CACNA1C: variants seen among roughly 807,000 people sequenced by gnomAD.
CACNA1C encodes the protein voltage-dependent L-type calcium channel subunit alpha-1C.
A neutral mutation model predicts 229.0 loss-of-function variants in CACNA1C; 30 were observed. That is an observed-to-expected ratio of 0.13 (90% CI 0.10 to 0.18). CACNA1C has a LOEUF of 0.18. Ranked by LOEUF, CACNA1C falls within the 10% of genes least tolerant of loss-of-function variation. The probability of loss-of-function intolerance (pLI) is 1.00; values close to 1 mark genes in which losing one functional copy is unlikely to be tolerated. For synonymous variants in CACNA1C, 1,114 were observed against 1,132.5 expected (o/e 0.98, Z 0.33); for missense variants, 1,658 against 2,845.0 (o/e 0.58, Z 9.49).
chr12:2,276,558 A>G (rs1372145956), intron 3 of CACNA1C, among the ~76,000 whole-genome samples: 1 of 152,104 alleles, frequency 6.6e-6, no homozygotes, highest in Non-Finnish European at 1.5e-5. Context: ...TCTTGCTAGA[A>G]CCTTTAGAGC....
chr12:2,242,383 G>C (rs2070870115), intron 3 of CACNA1C, among the ~76,000 whole-genome samples: 1 of 152,160 alleles, frequency 6.6e-6, no homozygotes, highest in Admixed American at 6.5e-5. Flanking sequence ...AACAATGGGG[G>C]ACCAGGGTAA....
At position 2,054,664 on chromosome 12, in the gene CACNA1C, G is replaced by A. The variant is rs1565403142; in HGVS notation, c.49+1053G>A. 6.7e-6 allele frequency among the ~76,000 whole-genome samples: 1 copy of A among 148,464 alleles called. No individual in the cohort carries two copies. Among genetic ancestry groups the A allele is most frequent in the Non-Finnish European group, 1.5e-5 (1 of 67,820 alleles). On this transcript the variant is annotated intron_variant, in intron 1 of 46. Coordinates refer to ENST00000399655, the MANE Select transcript of CACNA1C (RefSeq NM_000719.7). The surrounding 1 kb of genome is among the most constrained non-coding windows in gnomAD (Gnocchi z 5.5). ...GGGTGCAGACAGGGTGGTCCAGCGG[G>A]GCTTTCTGGCAACCTCCAGGCATGA...
Position 2,651,406 on chromosome 12 carries a change from A to G in CACNA1C, c.3946-234A>G, listed in dbSNP as rs987892464. ...GGGGAATCGGGGAGAATAAAAACAC[A>G]GGACCACAGCCCAGCGGCCTGGGCA... On this transcript the variant is annotated intron_variant, in intron 31 of 46. Coordinates refer to ENST00000399655, the MANE Select transcript of CACNA1C (RefSeq NM_000719.7). This position sits in a 1 kb window ranked among gnomAD's most constrained non-coding sequence, Gnocchi z 5.4. The G allele has an allele frequency of 1.7e-6, 1 of 577,936 alleles. No homozygotes were observed. The highest frequency in any genetic ancestry group is 1.9e-5 in the African/African-American group (1 of 53,650). 35.8% of individuals were successfully genotyped at this position (577,936 alleles called of 1,614,324 possible).
chr12:2,556,943 T>A lies in CACNA1C; in HGVS notation c.1482-8T>A, dbSNP rs2044651283. The stretch of plus-strand genomic sequence containing the variant: ...ATCCTTTGGTAACATTTCCTTTTTC[T>A]TTTTCAGCCACCGGATCTCCAAGTC... On this transcript the variant is annotated splice_region_variant and splice_polypyrimidine_tract_variant and intron_variant, in intron 10 of 46. Transcript: ENST00000399655. 1 of 1,611,586 alleles carries A rather than the reference T, an allele frequency of 6.2e-7. No individual in the cohort carries two copies. Among genetic ancestry groups the A allele is most frequent in the Non-Finnish European group, 8.5e-7 (1 of 1,177,822 alleles).
chr12:2,376,625 TA>T (rs2098078848), intron 3 of CACNA1C, among the ~76,000 whole-genome samples: 1 of 152,138 alleles, frequency 6.6e-6, no homozygotes, highest in Non-Finnish European at 1.5e-5. Flanking sequence ...TGTAATAGGC[TA>T]GGGGGCTGTG....
At chr12:2,337,676 A>G (rs1287185381) in intron 3 of CACNA1C, among the ~76,000 whole-genome samples, 1 of 152,236 alleles carries the variant, frequency 6.6e-6, no homozygotes, top group Non-Finnish European at 1.5e-5. Flanking sequence ...CTACAGTTTA[A>G]CAAAGCACTT....
In CACNA1C at chr12:2,215,110, A is replaced by T. The variant is rs1256882687; in HGVS notation, c.477+94680A>T. On this transcript the variant is annotated intron_variant, in intron 3 of 46. Coordinates refer to ENST00000399655, the MANE Select transcript of CACNA1C (RefSeq NM_000719.7). The surrounding 1 kb of genome is among the most constrained non-coding windows in gnomAD (Gnocchi z 5.0). Reference sequence around the variant, plus strand: ...GCTCAGCAAACGTGTGCTGCATGAGATGGGGAAACGAAGCCATGTTTGCCG... The same window carrying T: ...GCTCAGCAAACGTGTGCTGCATGAGTTGGGGAAACGAAGCCATGTTTGCCG... Among the ~76,000 whole-genome samples the T allele has an allele frequency of 1.3e-5, 2 of 152,080 alleles. No individual in the cohort carries two copies. The highest frequency in any genetic ancestry group is 2.9e-5 in the Non-Finnish European group (2 of 68,016).
intron 11 of CACNA1C, among the ~76,000 whole-genome samples, chr12:2,562,263 G>A (rs1402069663): frequency 6.6e-6 from 1 of 152,130 alleles, no homozygotes; most frequent in Non-Finnish European, 1.5e-5. Context: ...GGAAAAAGGG[G>A]CATAATCAAG....
chr12:2,198,703 G>A (rs79311680), intron 3 of CACNA1C, among the ~76,000 whole-genome samples: 1 of 152,064 alleles, frequency 6.6e-6, no homozygotes, highest in Non-Finnish European at 1.5e-5. Context: ...GGGAGGGAGA[G>A]ACAGGGGGTT....
intron 29 of CACNA1C, chr12:2,612,616 T>A (rs995510169): frequency 6.6e-6 from 1 of 152,428 alleles, no homozygotes; most frequent in African/African-American, 2.4e-5. Context: ...TTCTCTGCTT[T>A]GTTCCTTGTG....
intron 3 of CACNA1C, among the ~76,000 whole-genome samples, chr12:2,337,912 G>A (rs949447259): frequency 6.6e-6 from 1 of 152,132 alleles, no homozygotes; most frequent in African/African-American, 2.4e-5. Flanking sequence ...TTTGCCTCTG[G>A]TCTCAGCCCC....
intron 3 of CACNA1C, among the ~76,000 whole-genome samples, chr12:2,254,162 G>C (rs185504079): frequency 1.1e-3 from 166 of 152,284 alleles, no homozygotes; most frequent in African/African-American, 3.8e-3. Flanking sequence ...CACTTTTCTG[G>C]AGCTTTACTG....
At chr12:2,187,880 G>T (rs927504508) in intron 3 of CACNA1C, among the ~76,000 whole-genome samples, 1 of 152,262 alleles carries the variant, frequency 6.6e-6, no homozygotes, top group African/African-American at 2.4e-5. Context: ...TCAGAGAAGA[G>T]TCTGCTGCCC....
At chr12:2,076,247 C>T (rs2063141852) in intron 1 of CACNA1C, among the ~76,000 whole-genome samples, 1 of 152,188 alleles carries the variant, frequency 6.6e-6, no homozygotes, top group Non-Finnish European at 1.5e-5. Context: ...TGCAACCCAC[C>T]CGCAGACGTA....
intron 29 of CACNA1C, among the ~76,000 whole-genome samples, chr12:2,625,782 A>C (rs866850627): frequency 3.9e-4 from 58 of 148,042 alleles, no homozygotes; most frequent in African/African-American, 1.5e-3. Context: ...ATCTCTAAAA[A>C]AAAAAAAAAA....
intron 9 of CACNA1C, among the ~76,000 whole-genome samples, chr12:2,530,942 C>A (rs1057442416): frequency 1.2e-4 from 18 of 152,180 alleles, no homozygotes; most frequent in African/African-American, 4.3e-4. Context: ...CTCCAGGCGA[C>A]CTTTAGACGC....
intron 3 of CACNA1C, among the ~76,000 whole-genome samples, chr12:2,419,393 C>T (rs764423851): frequency 6.6e-6 from 1 of 152,088 alleles, no homozygotes; most frequent in Non-Finnish European, 1.5e-5. Flanking sequence ...AAGGACAGCA[C>T]CAAGACATGA....
intron 3 of CACNA1C, among the ~76,000 whole-genome samples, chr12:2,209,211 T>C (rs2097848955): frequency 6.6e-6 from 1 of 152,220 alleles, no homozygotes; most frequent in African/African-American, 2.4e-5. Flanking sequence ...TATGTGATTA[T>C]AAGAATTTGT....
At chr12:2,196,626 T>C (rs1216207742) in intron 3 of CACNA1C, among the ~76,000 whole-genome samples, 4 of 152,238 alleles carry the variant, frequency 2.6e-5, no homozygotes, top group Admixed American at 2.6e-4. Context: ...AAATGGATAA[T>C]GTAGAATTGC....
Sources: allele counts gnomAD v4.1 joint callset (sites outside exome capture counted in the v4.1 genomes callset), GRCh38; gene constraint gnomAD v4.1.1; non-coding constraint Gnocchi (gnomAD v3.1); transcripts MANE v1.5; gene names NCBI Gene and HGNC (gene_info 2026-07-23, HGNC 2026-07-21).